Variants in ANKS1B observed in about 807,000 individuals in gnomAD.
ANKS1B encodes the protein ankyrin repeat and sterile alpha motif domain containing 1B.
ANKS1B carries 36 observed loss-of-function variants against 148.3 expected under a neutral mutation model. The ratio of observed to expected loss-of-function variants is 0.24; its 90% confidence interval spans 0.19 to 0.32. The LOEUF is 0.32. Among genes scored for constraint, ANKS1B ranks in the 10% least tolerant of loss-of-function variants. ANKS1B has a pLI of 1.00. For missense variants in ANKS1B, 1,157 were observed against 1,542.6 expected, an observed-to-expected ratio of 0.75 and a Z score of 4.19; for synonymous variants, 542 against 560.8, an observed-to-expected ratio of 0.97 and a Z score of 0.47.
At chr12:99,133,579 C>A (rs2066899503) in intron 15 of ANKS1B, among the ~76,000 whole-genome samples, 1 of 152,134 alleles carries the variant, frequency 6.6e-6, no homozygotes, top group Admixed American at 6.6e-5. Flanking sequence ...GGGGTTGCTG[C>A]AGAAATTATG....
chr12:99,087,142 AT>A (rs751862323), intron 15 of ANKS1B, among the ~76,000 whole-genome samples: 5 of 152,358 alleles, frequency 3.3e-5, no homozygotes, highest in Admixed American at 2.0e-4. Context: ...TTTTCCTGCC[AT>A]AATAAAGGAG....
intron 15 of ANKS1B, among the ~76,000 whole-genome samples, chr12:99,087,399 G>A (rs757947916): frequency 2.0e-5 from 3 of 152,128 alleles, no homozygotes; most frequent in South Asian, 2.1e-4. Flanking sequence ...CAGCCATCTC[G>A]GAGGAAGCAG....
intron 9 of ANKS1B, among the ~76,000 whole-genome samples, chr12:99,508,912 G>C (rs1183739053): frequency 6.6e-6 from 1 of 151,762 alleles, no homozygotes; most frequent in East Asian, 1.9e-4. Flanking sequence ...ATGGCAACCG[G>C]GCATTGAGCA....
intron 14 of ANKS1B, among the ~76,000 whole-genome samples, chr12:99,204,033 T>A (rs2153900589): frequency 6.6e-6 from 1 of 151,844 alleles, no homozygotes; most frequent in South Asian, 2.1e-4. Context: ...AGTGGCTTAA[T>A]AAATATTGGA....
chr12:99,216,147 A>C (rs1159879540), intron 14 of ANKS1B, among the ~76,000 whole-genome samples: 2 of 152,208 alleles, frequency 1.3e-5, no homozygotes, highest in East Asian at 3.8e-4. Flanking sequence ...GCCACCATGT[A>C]AGATGTGCCT....
intron 25 of ANKS1B, among the ~76,000 whole-genome samples, chr12:98,752,993 G>C (rs181104518): frequency 6.6e-6 from 1 of 152,092 alleles, no homozygotes; most frequent in South Asian, 2.1e-4. Context: ...CAGTGAGCAC[G>C]CAAACAGTGC....
chr12:99,547,554 G>A (rs776208052), intron 9 of ANKS1B, among the ~76,000 whole-genome samples: 2 of 152,146 alleles, frequency 1.3e-5, no homozygotes, highest in African/African-American at 2.4e-5. Context: ...TCCACCCAAA[G>A]TGAGGTGCCC....
At chr12:99,161,499 C>T (rs1341756909) in intron 14 of ANKS1B, among the ~76,000 whole-genome samples, 1 of 152,042 alleles carries the variant, frequency 6.6e-6, no homozygotes, top group African/African-American at 2.4e-5. Context: ...GGTAACAGAG[C>T]AAGACCCTGT....
At chr12:99,719,503 C>T (rs939617375) in intron 8 of ANKS1B, among the ~76,000 whole-genome samples, 8 of 152,154 alleles carry the variant, frequency 5.3e-5, no homozygotes, top group Non-Finnish European at 1.0e-4. Context: ...CAGGCCTAAT[C>T]GCCACTCACC....
At chr12:99,950,406 ATCCTCCCCACTC>A (rs1312388288) in intron 1 of ANKS1B, among the ~76,000 whole-genome samples, 1 of 151,718 alleles carries the variant, frequency 6.6e-6, no homozygotes, top group Non-Finnish European at 1.5e-5. Flanking sequence ...CCTTCCCCGC[ATCCTCCCCACTC>A]TCCTTCCCCA....
chr12:99,876,190 T>C, intron 1 of ANKS1B, among the ~76,000 whole-genome samples: 1 of 152,154 alleles, frequency 6.6e-6, no homozygotes, highest in Non-Finnish European at 1.5e-5. Flanking sequence ...CTGTGCTAAG[T>C]GCTGCAGAAA....
At chr12:99,614,545 G>GTAC (rs1193812719) in intron 9 of ANKS1B, among the ~76,000 whole-genome samples, 1 of 147,532 alleles carries the variant, frequency 6.8e-6, no homozygotes, top group Admixed American at 6.8e-5. Context: ...GATTTTCCAT[G>GTAC]TACTAACAGC....
chr12:99,871,611 G>A (rs1603414783), intron 1 of ANKS1B, among the ~76,000 whole-genome samples: 1 of 152,048 alleles, frequency 6.6e-6, no homozygotes, highest in South Asian at 2.1e-4. Context: ...AGTTCTCCTT[G>A]TAGAAATATT....
At chr12:99,403,348 G>A (rs2094457195) in intron 11 of ANKS1B, among the ~76,000 whole-genome samples, 1 of 141,978 alleles carries the variant, frequency 7.0e-6, no homozygotes, top group Admixed American at 7.0e-5. Flanking sequence ...GTAGAGACGG[G>A]GTTTTGCCGT....
intron 9 of ANKS1B, among the ~76,000 whole-genome samples, chr12:99,564,839 A>C (rs542510770): frequency 6.6e-6 from 1 of 152,232 alleles, no homozygotes; most frequent in East Asian, 1.9e-4. Context: ...TTTACCAGGA[A>C]CCCTTCTGAC....
intron 12 of ANKS1B, among the ~76,000 whole-genome samples, chr12:99,278,358 G>C (rs1441790435): frequency 3.9e-5 from 6 of 152,174 alleles, no homozygotes; most frequent in Non-Finnish European, 7.3e-5. Flanking sequence ...GAACCCCTGT[G>C]TCCAGGTCCC....
chr12:99,490,313 C>A lies in ANKS1B; in HGVS notation c.1438+14163G>T, dbSNP rs183893381. Among the ~76,000 whole-genome samples the A allele has an allele frequency of 2.6e-5, 4 of 152,270 alleles. No individual in the cohort carries two copies. The East Asian group carries it at 7.7e-4, about 29-fold the overall frequency. On this transcript the variant is annotated intron_variant, in intron 10 of 26. Coordinates refer to ENST00000683438, the MANE Select transcript of ANKS1B (RefSeq NM_001352186.2). Reference sequence around the variant, plus strand: ...TGAGAACTACAGTGATTTCTCAATGCCAGATTTGCTTCTGAATTCTTATCT... The same window carrying A: ...TGAGAACTACAGTGATTTCTCAATGACAGATTTGCTTCTGAATTCTTATCT...
intron 22 of ANKS1B, among the ~76,000 whole-genome samples, chr12:98,794,240 A>C (rs572262110): frequency 1.3e-5 from 2 of 151,796 alleles, no homozygotes; most frequent in Non-Finnish European, 2.9e-5. Flanking sequence ...AAAAATACAA[A>C]AGTTAGCCAG....
At chr12:99,415,978 A>C (rs7300624) in intron 11 of ANKS1B, among the ~76,000 whole-genome samples, 1 of 151,768 alleles carries the variant, frequency 6.6e-6, no homozygotes, top group Admixed American at 6.6e-5. Context: ...CCACCGCGCC[A>C]GGCCCCATTG....
Sources: allele counts gnomAD v4.1 joint callset (sites outside exome capture counted in the v4.1 genomes callset), GRCh38; gene constraint gnomAD v4.1.1; transcripts MANE v1.5; gene names NCBI Gene and HGNC (gene_info 2026-07-23, HGNC 2026-07-21).